The following NEIL2 variants were observed in gnomAD, a reference collection of about 807,000 sequenced individuals.
The protein encoded by NEIL2 is endonuclease 8-like 2.
Under a neutral mutation model 22.2 loss-of-function variants are expected in NEIL2, and 23 were observed. The ratio of observed to expected loss-of-function variants is 1.04; its 90% CI spans 0.75 to 1.47. The LOEUF is 1.47. Among genes scored for constraint, NEIL2 ranks in the 40% most tolerant of loss-of-function variants. The pLI, the probability that NEIL2 is intolerant of heterozygous loss-of-function variation, is 0.00. For synonymous variants in NEIL2, 229 were observed against 164.8 expected (o/e 1.39, Z -2.99); for missense variants, 583 against 404.7 (o/e 1.44, Z -3.78).
At chr8:11,785,689 A>G (rs555564342) in intron 4 of NEIL2, among the ~76,000 whole-genome samples, 2 of 152,234 alleles carry the variant, frequency 1.3e-5, no homozygotes, top group East Asian at 1.9e-4. Context: ...TTGAGCTGCG[A>G]TTCAAGTGCA....
At chr8:11,772,186 G>C (rs980252652) in intron 2 of NEIL2, among the ~76,000 whole-genome samples, 2 of 151,054 alleles carry the variant, frequency 1.3e-5, no homozygotes, top group Admixed American at 1.3e-4. Context: ...CTGGGTGACA[G>C]AGTGAGACTC....
chr8:11,779,229 C>T (rs914285391), intron 2 of NEIL2, among the ~76,000 whole-genome samples: 1 of 152,170 alleles, frequency 6.6e-6, no homozygotes, highest in Non-Finnish European at 1.5e-5. Context: ...TTCCCACGCA[C>T]CGCTTATTTC....
chr8:11,779,813 G>A lies in NEIL2; in HGVS notation c.354G>A (p.Leu118=). ...VPQGEDDSEY[L]ERDAPAGDAG... ...AGGGCGAGGATGATTCTGAGTATTT[G>A]GAGAGAGACGCCCCTGCAGGAGATG... The change falls in exon 3 of 5, where the codon TTG becomes TTA. Residue 118 remains leucine (L), a synonymous_variant. Transcript: ENST00000284503. 2 of 1,614,200 alleles carry A rather than the reference G, an allele frequency of 1.2e-6. No individual in the cohort carries two copies. The highest frequency in any genetic ancestry group is 1.7e-6 in the Non-Finnish European group (2 of 1,180,030).
chr8:11,783,567 G>A (rs1804635441), intron 4 of NEIL2, among the ~76,000 whole-genome samples, 168 bp downstream of exon 4: 6 of 152,200 alleles, frequency 3.9e-5, no homozygotes, highest in Non-Finnish European at 7.3e-5. Flanking sequence ...TAGACTGAGG[G>A]CATTAGATCA....
At chr8:11,777,612 A>G (rs1273455034) in intron 2 of NEIL2, among the ~76,000 whole-genome samples, 1 of 152,116 alleles carries the variant, frequency 6.6e-6, no homozygotes, top group Non-Finnish European at 1.5e-5. Flanking sequence ...CAGATACCTC[A>G]TATCAGTGGA....
chr8:11,772,870 G>A (rs1803589367), intron 2 of NEIL2, among the ~76,000 whole-genome samples: 1 of 152,006 alleles, frequency 6.6e-6, no homozygotes, highest in Non-Finnish European at 1.5e-5. Flanking sequence ...GGCACATAAC[G>A]GGTACTCCAT....
intron 2 of NEIL2, among the ~76,000 whole-genome samples, chr8:11,776,927 T>A (rs980299233): frequency 3.9e-5 from 6 of 152,162 alleles, no homozygotes; most frequent in African/African-American, 7.2e-5. Flanking sequence ...ATAGCGGGTT[T>A]GTTGGGAGTA....
chr8:11,782,619 T>C (rs1291422580), intron 3 of NEIL2: 1 of 176,078 alleles, frequency 5.7e-6, no homozygotes, highest in Non-Finnish European at 1.2e-5. Context: ...GTACTGAAAA[T>C]GAAGGTTTTA....
Position 11,779,742 on chromosome 8 carries a change from C to A in NEIL2, c.283C>A (p.Gln95Lys). 6.2e-7 allele frequency: 1 copy of A among 1,614,204 alleles called. No homozygotes were observed. Among genetic ancestry groups the A allele is most frequent in the Admixed American group, 1.7e-5 (1 of 60,028 alleles). Residue 95 changes from glutamine (Q) to lysine (K), a missense_variant, in exon 3 of 5, where the codon CAG becomes AAG. Physicochemically the swap from Gln to Lys is moderately conservative, Grantham distance 53. Coordinates refer to ENST00000284503, the MANE Select transcript of NEIL2 (RefSeq NM_145043.4). ...DPKQVGEPSG[Q>K]KTLDGSSRSA... ...AAAGCAGGTCGGGGAGCCCAGCGGGCAGAAGACCCTTGATGGATCCTCACG... is the reference window on the plus strand; with the variant it reads ...AAAGCAGGTCGGGGAGCCCAGCGGGAAGAAGACCCTTGATGGATCCTCACG...
At position 11,769,714 on chromosome 8, in the gene NEIL2, C is replaced by G. The variant is rs1394282254; in HGVS notation, c.-624C>G. On this transcript the variant is annotated 5_prime_UTR_variant, in exon 1 of 5. The change creates a new upstream start codon in the 5' untranslated region. Coordinates refer to ENST00000284503, the MANE Select transcript of NEIL2 (RefSeq NM_145043.4). ...CGCATGGGCCGCCGAGCCGGGAAAT[C>G]TCCGCCCCCAGCTGGAGCGGCTGTG... 1 of 152,416 alleles carries G rather than the reference C, an allele frequency of 6.6e-6. No individual in the cohort carries two copies. The highest frequency in any genetic ancestry group is 1.5e-5 in the Non-Finnish European group (1 of 68,188). The allele number at this position is 152,416 out of a possible 1,614,324, so 9.4% of individuals were successfully genotyped here.
At chr8:11,780,975 C>G (rs957800860) in intron 3 of NEIL2, among the ~76,000 whole-genome samples, 1 of 151,962 alleles carries the variant, frequency 6.6e-6, no homozygotes, top group African/African-American at 2.4e-5. Context: ...GTCCTCTGTC[C>G]TTTGATTGTG....
intron 2 of NEIL2, among the ~76,000 whole-genome samples, chr8:11,778,901 A>C (rs1355100094): frequency 7.5e-6 from 1 of 133,912 alleles, no homozygotes; most frequent in Non-Finnish European, 1.6e-5. Context: ...GCAGTGAGCC[A>C]AGATGGTGCC....
intron 3 of NEIL2, 57 bp downstream of exon 3, chr8:11,780,007 G>GTGGGGTT: frequency 6.7e-7 from 1 of 1,487,056 alleles, no homozygotes; most frequent in Non-Finnish European, 9.4e-7. Flanking sequence ...GCCCTGCTTG[G>GTGGGGTT]TGGGGTTTGG....
rs1169311030 is a variant in NEIL2, at chr8:11,786,918, G to C, written c.*645G>C. On this transcript the variant is annotated 3_prime_UTR_variant, in exon 5 of 5. Coordinates refer to ENST00000284503, the MANE Select transcript of NEIL2 (RefSeq NM_145043.4). ...GTCTCCCAAAATGTTGGGACCACGGGTGTGAGCCACCGCGCCCAGCTAGCT... is the reference window on the plus strand; with the variant it reads ...GTCTCCCAAAATGTTGGGACCACGGCTGTGAGCCACCGCGCCCAGCTAGCT... 8 of 153,174 alleles carry C rather than the reference G, an allele frequency of 5.2e-5. No individual in the cohort carries two copies. The highest frequency in any genetic ancestry group is 1.9e-4 in the African/African-American group (8 of 41,442). 9.5% of individuals were successfully genotyped at this position (153,174 alleles called of 1,614,324 possible). A position where few individuals can be genotyped will look rare whatever the true frequency, so the allele number is the denominator to read the frequency against.
At chr8:11,775,113 C>T (rs886098362) in intron 2 of NEIL2, among the ~76,000 whole-genome samples, 4 of 152,272 alleles carry the variant, frequency 2.6e-5, no homozygotes, top group South Asian at 2.1e-4. Context: ...GGGCTCTAAC[C>T]CCGTCTTTTC....
chr8:11,777,630 A>G (rs1029266920), intron 2 of NEIL2, among the ~76,000 whole-genome samples: 2 of 152,202 alleles, frequency 1.3e-5, no homozygotes, highest in African/African-American at 4.8e-5. Flanking sequence ...GGAATTATAC[A>G]GTATTTGGAG....
chr8:11,785,193 AT>A (rs1453330068), intron 4 of NEIL2, among the ~76,000 whole-genome samples: 1 of 149,608 alleles, frequency 6.7e-6, no homozygotes, highest in Non-Finnish European at 1.5e-5. Flanking sequence ...TTTGTTTTTA[AT>A]TTAAAAAAAA....
At chr8:11,782,258 T>G (rs1486561981) in intron 3 of NEIL2, among the ~76,000 whole-genome samples, 2 of 151,884 alleles carry the variant, frequency 1.3e-5, no homozygotes, top group African/African-American at 4.8e-5. Context: ...CCCCCATCTC[T>G]ACTAAAAGTA....
chr8:11,786,627 G>GT lies in NEIL2; in HGVS notation c.*354_*355insT. Reference sequence around the variant, plus strand: ...CCAACATAGCTTTGCAGATGATGTGGGTTTTTTTTTTTTTTTTGGTTGTTT... The same window carrying GT: ...CCAACATAGCTTTGCAGATGATGTGGTGTTTTTTTTTTTTTTTTGGTTGTTT... On this transcript the variant is annotated 3_prime_UTR_variant, in exon 5 of 5. Coordinates refer to ENST00000284503, the MANE Select transcript of NEIL2 (RefSeq NM_145043.4). 1.2e-5 allele frequency: 2 copies of GT among 166,976 alleles called. No individual in the cohort carries two copies. Among genetic ancestry groups the GT allele is most frequent in the South Asian group, 5.5e-5 (1 of 18,170 alleles). The allele number at this position is 166,976 out of a possible 1,614,324, so 10.3% of individuals were successfully genotyped here.
Sources: allele counts gnomAD v4.1 joint callset (sites outside exome capture counted in the v4.1 genomes callset), GRCh38; gene constraint gnomAD v4.1.1; transcripts MANE v1.5; gene names NCBI Gene and HGNC (gene_info 2026-07-23, HGNC 2026-07-21).